Variants in FANCB observed in about 807,000 individuals in gnomAD.
The protein encoded by FANCB is Fanconi anemia group B protein.
Under a neutral mutation model 38.9 loss-of-function variants are expected in FANCB, and 5 were observed. The observed-to-expected ratio is 0.13, with a 90% CI of 0.07 to 0.27. The LOEUF is 0.27. Among genes scored for constraint, FANCB ranks in the 10% least tolerant of loss-of-function variants. The pLI is 1.00. For missense variants in FANCB, 573 were observed against 602.7 expected, an observed-to-expected ratio of 0.95 and a Z score of 0.52; for synonymous variants, 236 against 215.4, an observed-to-expected ratio of 1.10 and a Z score of -0.84.
chrX:14,818,702 G>GACATTT, the FANCB span, among the ~76,000 whole-genome samples: 1 of 111,559 alleles, frequency 9.0e-6, no homozygotes, highest in African/African-American at 3.3e-5. Flanking sequence ...AGCAACAGTT[G>GACATTT]ACATTTACTT....
the FANCB span, among the ~76,000 whole-genome samples, chrX:14,806,265 C>T: frequency 5.4e-5 from 6 of 111,916 alleles, no homozygotes; most frequent in African/African-American, 1.9e-4. Flanking sequence ...AGAAGAGAGA[C>T]ATGCATTGAG....
the FANCB span, among the ~76,000 whole-genome samples, chrX:14,809,419 T>G: frequency 1.8e-5 from 2 of 112,034 alleles, no homozygotes; most frequent in Non-Finnish European, 3.8e-5. Flanking sequence ...GGAGTTCCCT[T>G]TCCGAGTCAA....
chrX:14,848,279 C>T (rs2092385343), intron 7 of FANCB, among the ~76,000 whole-genome samples: 1 of 112,225 alleles, frequency 8.9e-6, no homozygotes. Flanking sequence ...GTGCTTCCCC[C>T]TCCAGAGAGC....
At chrX:14,717,115 C>T in the FANCB span, among the ~76,000 whole-genome samples, 2 of 111,281 alleles carry the variant, frequency 1.8e-5, no homozygotes, top group African/African-American at 6.5e-5. Context: ...CCAGTGCCTG[C>T]CCTATAATAG....
At chrX:14,868,321 T>C (rs941051973) in intron 2 of FANCB, among the ~76,000 whole-genome samples, 1 of 111,597 alleles carries the variant, frequency 9.0e-6, no homozygotes, top group African/African-American at 3.3e-5. Flanking sequence ...CAACAATGAA[T>C]CAATGGATTA....
chrX:14,863,604 G>A (rs2092455622), intron 3 of FANCB, among the ~76,000 whole-genome samples: 1 of 111,872 alleles, frequency 8.9e-6, no homozygotes, highest in Non-Finnish European at 1.9e-5. Flanking sequence ...CAATACCAGT[G>A]AATATTTTAG....
intron 2 of FANCB, among the ~76,000 whole-genome samples, chrX:14,866,097 A>G (rs2092468733): frequency 8.9e-6 from 1 of 111,876 alleles, no homozygotes; most frequent in African/African-American, 3.2e-5. Context: ...AGGAGCCTAT[A>G]CAGGCTCTAA....
chrX:14,807,286 G>C, the FANCB span, among the ~76,000 whole-genome samples: 1 of 112,126 alleles, frequency 8.9e-6, no homozygotes, highest in African/African-American at 3.2e-5. Context: ...GAGAACATTT[G>C]GTACTTACTG....
At chrX:14,867,048 A>G (rs1182078526) in intron 2 of FANCB, among the ~76,000 whole-genome samples, 1 of 111,931 alleles carries the variant, frequency 8.9e-6, no homozygotes, top group Non-Finnish European at 1.9e-5. Context: ...TGATCTCTAC[A>G]ATGAAAACTA....
At chrX:14,814,151 T>A in the FANCB span, among the ~76,000 whole-genome samples, 1 of 111,496 alleles carries the variant, frequency 9.0e-6, no homozygotes, top group East Asian at 2.8e-4. Flanking sequence ...GATCCCTTCC[T>A]TACACCTTAT....
At chrX:14,781,699 C>A in the FANCB span, among the ~76,000 whole-genome samples, 1 of 111,729 alleles carries the variant, frequency 9.0e-6, no homozygotes, top group African/African-American at 3.3e-5. Flanking sequence ...TCTACCAGAG[C>A]AGCATCCACC....
downstream of FANCB, among the ~76,000 whole-genome samples, chrX:14,833,746 G>A (rs898225930): frequency 3.6e-5 from 4 of 109,622 alleles, no homozygotes; most frequent in African/African-American, 1.3e-4. Context: ...CATCGCCTGA[G>A]CCCAGGAGTT....
chrX:14,732,442 C>T, the FANCB span, among the ~76,000 whole-genome samples: 1 of 111,962 alleles, frequency 8.9e-6, no homozygotes, highest in Non-Finnish European at 1.9e-5. Context: ...GGTTCTAGAT[C>T]CTTGAGGAAT....
chrX:14,736,753 T>C, the FANCB span, among the ~76,000 whole-genome samples: 1 of 112,392 alleles, frequency 8.9e-6, no homozygotes. Flanking sequence ...GTTTTCCTCA[T>C]AAGCTTGAAG....
At chrX:14,788,582 C>T in the FANCB span, among the ~76,000 whole-genome samples, 1,049 of 112,146 alleles carry the variant, frequency 9.4e-3, 12 homozygotes, top group African/African-American at 0.032. Context: ...GAGCCTAACA[C>T]GGCATCAGCT....
At chrX:14,776,519 T>C in the FANCB span, among the ~76,000 whole-genome samples, 8 of 111,942 alleles carry the variant, frequency 7.1e-5, no homozygotes, top group South Asian at 2.6e-3. Flanking sequence ...GTAAATGGTA[T>C]TGAATAGCGC....
the FANCB span, among the ~76,000 whole-genome samples, chrX:14,745,826 T>C: frequency 1.9e-5 from 2 of 104,800 alleles, no homozygotes; most frequent in Non-Finnish European, 1.9e-5. Flanking sequence ...CAGCCTCCCA[T>C]GTAGCTGGGA....
At chrX:14,730,960 A>C in the FANCB span, 1 of 114,988 alleles carries the variant, frequency 8.7e-6, no homozygotes, top group Non-Finnish European at 1.8e-5. Context: ...AAACTTCAAA[A>C]ATGCTTAACC....
At chrX:14,704,696 A>C in the FANCB span, among the ~76,000 whole-genome samples, 1 of 111,978 alleles carries the variant, frequency 8.9e-6, no homozygotes, top group East Asian at 2.8e-4. Context: ...AGTGGGTAAA[A>C]GGAAACGACC....
Sources: allele counts gnomAD v4.1 joint callset (sites outside exome capture counted in the v4.1 genomes callset), GRCh38; gene constraint gnomAD v4.1.1; transcripts MANE v1.5; gene names NCBI Gene and HGNC (gene_info 2026-07-23, HGNC 2026-07-21).